Variants in RP1 observed in about 807,000 individuals in gnomAD.
The protein encoded by RP1 is RP1 axonemal microtubule associated, also known as oxygen-regulated protein 1.
A neutral mutation model predicts 14.8 loss-of-function variants in RP1; 16 were observed. The observed-to-expected ratio is 1.08, with a 90% confidence interval of 0.73 to 1.65. The LOEUF is 1.65. RP1 is among the 40% of genes most tolerant of loss of function. The pLI is 0.00. For missense variants in RP1, 2,631 were observed against 2,535.0 expected (o/e 1.04, Z -0.81); for synonymous variants, 876 against 883.6 (o/e 0.99, Z 0.15).
intron 5 of RP1, among the ~76,000 whole-genome samples, chr8:54,655,870 A>C (rs999277354): frequency 5.3e-5 from 8 of 152,000 alleles, no homozygotes; most frequent in Non-Finnish European, 1.2e-4. Context: ...AAATAAATAA[A>C]TAAATAGAAA....
chr8:54,603,524 C>T (rs1805348516), intron 1 of RP1, among the ~76,000 whole-genome samples: 3 of 152,034 alleles, frequency 2.0e-5, no homozygotes, highest in African/African-American at 7.2e-5. Context: ...AATGAGGGCT[C>T]TTTTTTGGTT....
exon 13 of RP1, chr8:54,699,528 G>T (rs1189296466): frequency 7.1e-7 from 1 of 1,410,650 alleles, no homozygotes. Context: ...ATGAGATGAG[G>T]CATCTTTCTC....
chr8:54,590,878 C>T (rs1805030670), intron 1 of RP1, among the ~76,000 whole-genome samples: 1 of 152,158 alleles, frequency 6.6e-6, no homozygotes, highest in Non-Finnish European at 1.5e-5. Flanking sequence ...TTACAGATGT[C>T]AGCCTTCATC....
chr8:54,665,251 T>G (rs1806992225), intron 7 of RP1, among the ~76,000 whole-genome samples: 1 of 152,288 alleles, frequency 6.6e-6, no homozygotes, highest in East Asian at 1.9e-4. Context: ...TCATTTTCTT[T>G]GACTCTTTCT....
intron 24 of RP1, among the ~76,000 whole-genome samples, chr8:54,836,838 T>C (rs1011796549): frequency 1.3e-5 from 2 of 150,978 alleles, no homozygotes; most frequent in African/African-American, 4.9e-5. Context: ...AATAGAAAAC[T>C]AATGCAGTAC....
intron 24 of RP1, among the ~76,000 whole-genome samples, chr8:54,792,797 A>C (rs1810498567): frequency 6.6e-6 from 1 of 151,926 alleles, no homozygotes; most frequent in South Asian, 2.1e-4. Context: ...AAAATAGAAC[A>C]AAATAAATCC....
intron 1 of RP1, among the ~76,000 whole-genome samples, chr8:54,562,863 G>A (rs1308126422): frequency 6.6e-6 from 1 of 152,116 alleles, no homozygotes; most frequent in African/African-American, 2.4e-5. Context: ...AAATTCCCCA[G>A]GGAGTTCTGT....
chr8:54,660,901 G>A (rs1806874848), intron 6 of RP1, among the ~76,000 whole-genome samples: 1 of 151,876 alleles, frequency 6.6e-6, no homozygotes, highest in Non-Finnish European at 1.5e-5. Flanking sequence ...CCTCTGATTA[G>A]AATAGCACAA....
chr8:54,838,458 TG>T (rs1370657638), intron 25 of RP1, among the ~76,000 whole-genome samples: 1 of 152,180 alleles, frequency 6.6e-6, no homozygotes, highest in Non-Finnish European at 1.5e-5. Context: ...TATGTGTGCA[TG>T]TATGTGTTTG....
rs569943613 is a variant in RP1 at position 54,693,434 on chromosome 8, T to C, written c.1718-6033T>C. On this transcript the variant is annotated intron_variant, in intron 12 of 22. Transcript: ENST00000636932. ...AGTATGGCCATTTTCACAATATTGATTCTTCCTACCCATGAGTATGGAATG... is the reference window on the plus strand; with the variant it reads ...AGTATGGCCATTTTCACAATATTGACTCTTCCTACCCATGAGTATGGAATG... Among the ~76,000 whole-genome samples, 5 of 152,280 alleles carry C rather than the reference T, an allele frequency of 3.3e-5. No individual in the cohort carries two copies. In the South Asian group the frequency reaches 8.3e-4, roughly 25 times the overall value.
At chr8:54,779,895 C>T (rs1240692385) in intron 23 of RP1, among the ~76,000 whole-genome samples, 1 of 152,192 alleles carries the variant, frequency 6.6e-6, no homozygotes, top group Non-Finnish European at 1.5e-5. Flanking sequence ...CTTTCAGCAG[C>T]TATTCTAGTT....
chr8:54,700,567 G>C (rs1419738154), intron 13 of RP1, among the ~76,000 whole-genome samples: 1 of 152,072 alleles, frequency 6.6e-6, no homozygotes, highest in Non-Finnish European at 1.5e-5. Context: ...CCTGGTCATA[G>C]TATATGCTTA....
At chr8:54,729,871 G>A (rs551254346) in intron 17 of RP1, among the ~76,000 whole-genome samples, 2 of 151,764 alleles carry the variant, frequency 1.3e-5, no homozygotes, top group African/African-American at 4.8e-5. Context: ...TCCCATAAAT[G>A]GAATTACAAG....
At chr8:54,599,545 G>A (rs753643414) in intron 1 of RP1, among the ~76,000 whole-genome samples, 1 of 151,320 alleles carries the variant, frequency 6.6e-6, no homozygotes, top group African/African-American at 2.4e-5. Context: ...TGCAACCTCT[G>A]TCTCCTGGCT....
chr8:54,863,026 C>G (rs1812380224), intron 27 of RP1, among the ~76,000 whole-genome samples: 1 of 138,446 alleles, frequency 7.2e-6, no homozygotes, highest in Non-Finnish European at 1.5e-5. Context: ...CTTCTCTACC[C>G]CCAGAGTATT....
chr8:54,866,964 C>T (rs1812472386), intron 28 of RP1, among the ~76,000 whole-genome samples: 2 of 152,104 alleles, frequency 1.3e-5, no homozygotes, highest in Admixed American at 6.5e-5. Flanking sequence ...TGCCTGCCTG[C>T]TAGGTGTTAG....
intron 19 of RP1, among the ~76,000 whole-genome samples, chr8:54,748,585 C>G (rs1383444176): frequency 6.6e-6 from 1 of 152,192 alleles, no homozygotes; most frequent in Non-Finnish European, 1.5e-5. Flanking sequence ...TAGAGTCAAG[C>G]TTTGACTTTG....
intron 6 of RP1, among the ~76,000 whole-genome samples, chr8:54,658,106 G>A (rs1806795440): frequency 6.6e-6 from 1 of 152,036 alleles, no homozygotes; most frequent in Non-Finnish European, 1.5e-5. Context: ...CAGCCCTTGG[G>A]AACCACATTT....
intron 1 of RP1, among the ~76,000 whole-genome samples, chr8:54,602,016 T>G (rs1017264711): frequency 1.3e-5 from 2 of 152,232 alleles, no homozygotes; most frequent in African/African-American, 4.8e-5. Context: ...ACTCTGAATA[T>G]TCTACAAATC....
Sources: allele counts gnomAD v4.1 joint callset (sites outside exome capture counted in the v4.1 genomes callset), GRCh38; gene constraint gnomAD v4.1.1; transcripts MANE v1.5; gene names NCBI Gene and HGNC (gene_info 2026-07-23, HGNC 2026-07-21).